The following PHLDB2 variants were observed in gnomAD, a reference collection of about 807,000 sequenced individuals.
PHLDB2 encodes the protein pleckstrin homology-like domain family B member 2.
PHLDB2 carries 71 observed loss-of-function variants against 123.6 expected under a neutral mutation model. That is an observed-to-expected ratio of 0.57 (90% CI 0.47 to 0.70). The LOEUF is 0.70. PHLDB2 is among the 30% of genes least tolerant of loss of function. PHLDB2 has a pLI of 0.00. For missense variants in PHLDB2, 1,446 were observed against 1,519.5 expected (o/e 0.95, Z 0.80); for synonymous variants, 547 against 541.6 (o/e 1.01, Z -0.14).
At chr3:111,824,091 T>C (rs567732269) in intron 1 of PHLDB2, among the ~76,000 whole-genome samples, 1 of 152,240 alleles carries the variant, frequency 6.6e-6, no homozygotes, top group Non-Finnish European at 1.5e-5. Flanking sequence ...TGCAGATAAC[T>C]TGAAACCATC....
chr3:111,856,437 G>GT (rs2064511904), upstream of PHLDB2, among the ~76,000 whole-genome samples: 1 of 152,178 alleles, frequency 6.6e-6, no homozygotes, highest in Non-Finnish European at 1.5e-5. Flanking sequence ...AATGGGAGTA[G>GT]TAACAAACAG....
intron 1 of PHLDB2, among the ~76,000 whole-genome samples, chr3:111,831,013 GAAA>G (rs2062985537): frequency 2.0e-5 from 2 of 102,082 alleles, no homozygotes; most frequent in African/African-American, 9.9e-5. Flanking sequence ...AAGAAAGAAA[GAAA>G]GAAAGAAAGA....
intron 1 of PHLDB2, among the ~76,000 whole-genome samples, chr3:111,834,228 ATTATG>A (rs2063271256): frequency 7.9e-5 from 4 of 50,874 alleles, no homozygotes; most frequent in Admixed American, 2.2e-4. Flanking sequence ...TTATATATAT[ATTATG>A]TATATAATAG....
intron 1 of PHLDB2, among the ~76,000 whole-genome samples, chr3:111,862,411 G>GT (rs1327658394): frequency 3.3e-5 from 5 of 152,192 alleles, no homozygotes; most frequent in African/African-American, 1.2e-4. Flanking sequence ...TAGAGCTGTG[G>GT]TTTTCACTGG....
At chr3:111,962,076 G>T in intron 12 of PHLDB2, 32 bp from the exon 13 acceptor site, 4 of 1,568,020 alleles carry the variant, frequency 2.6e-6, no homozygotes, top group Non-Finnish European at 3.4e-6. Context: ...GAAAAATGAG[G>T]CAAACTAACA....
At chr3:111,893,001 T>G (rs1323416232) in intron 2 of PHLDB2, among the ~76,000 whole-genome samples, 2 of 152,200 alleles carry the variant, frequency 1.3e-5, no homozygotes, top group Non-Finnish European at 2.9e-5. Context: ...AACCCAAGAC[T>G]AGTGAGCGTT....
intron 2 of PHLDB2, among the ~76,000 whole-genome samples, chr3:111,888,512 G>A (rs1041795905): frequency 6.6e-6 from 1 of 152,112 alleles, no homozygotes; most frequent in Non-Finnish European, 1.5e-5. Flanking sequence ...ATTTTATGAT[G>A]AGCAAGAAAG....
intron 14 of PHLDB2, among the ~76,000 whole-genome samples, chr3:111,966,910 A>T (rs916588849): frequency 1.3e-5 from 2 of 151,876 alleles, no homozygotes; most frequent in East Asian, 3.8e-4. Flanking sequence ...CATAACTTGA[A>T]ATATATATAT....
rs1254538668 is a variant in PHLDB2, at chr3:111,808,751, C to T, written c.-48-37070C>T. On this transcript the variant is annotated intron_variant, in intron 1 of 17. Transcript: ENST00000393923. ...CAGGAGGCCTGGATAAGTCTCCTGC[C>T]CTCTTTGGTCTTCAAATATTTAATT... 2.6e-5 allele frequency among the ~76,000 whole-genome samples: 4 copies of T among 152,082 alleles called. No homozygotes were observed. In the East Asian group the frequency reaches 5.8e-4, roughly 22 times the overall value.
chr3:111,931,078 A>G lies in PHLDB2; in HGVS notation c.2002-1191A>G, dbSNP rs567583265. ...AATGTAGTAAGGATAATGTCATAGG[A>G]CTATTTCAGAGGAAAATCCTTAAAA... On this transcript the variant is annotated intron_variant, in intron 5 of 17. Coordinates refer to ENST00000431670, the MANE Select transcript of PHLDB2 (RefSeq NM_001134438.2). Among the ~76,000 whole-genome samples, 8 of 152,314 alleles carry G rather than the reference A, an allele frequency of 5.3e-5. No homozygotes were observed. In the South Asian group the frequency reaches 1.7e-3, roughly 32 times the overall value.
chr3:111,932,492 A>T, intron 6 of PHLDB2, 95 bp downstream of exon 6: 1 of 1,239,438 alleles, frequency 8.1e-7, no homozygotes, highest in South Asian at 1.6e-5. Flanking sequence ...TTCATATAGC[A>T]TAAGTTTGCA....
chr3:111,811,249 G>C (rs2061823499), intron 1 of PHLDB2, among the ~76,000 whole-genome samples: 2 of 152,162 alleles, frequency 1.3e-5, no homozygotes, highest in Admixed American at 1.3e-4. Flanking sequence ...ATCCCATTAA[G>C]GAACCTTTCA....
At position 111,741,004 on chromosome 3, in the gene PHLDB2, T is replaced by G. The variant is rs193033179; in HGVS notation, c.-49+8301T>G. 1.7e-3 allele frequency among the ~76,000 whole-genome samples: 258 copies of G among 151,778 alleles called. 2 individuals carry two copies. The highest frequency in any genetic ancestry group is 5.8e-3 in the African/African-American group (241 of 41,362). On this transcript the variant is annotated intron_variant, in intron 1 of 17. Coordinates refer to the PHLDB2 transcript ENST00000393923. ...AAGGTGCTGAAACATGGAGACAATC[T>G]CACATAGTCCTAATGCTAACCACCA...
intron 9 of PHLDB2, among the ~76,000 whole-genome samples, chr3:111,946,907 G>A (rs1466543753): frequency 2.0e-5 from 3 of 152,200 alleles, no homozygotes; most frequent in Middle Eastern, 3.2e-3. Flanking sequence ...GCTTGAATTG[G>A]AGGATGGCAG....
intron 1 of PHLDB2, among the ~76,000 whole-genome samples, chr3:111,798,510 G>A (rs2061253407): frequency 6.6e-6 from 1 of 151,788 alleles, no homozygotes. Flanking sequence ...AATTATTAAA[G>A]CATTTATTTA....
chr3:111,898,033 A>G (rs1254093660), intron 2 of PHLDB2, among the ~76,000 whole-genome samples: 1 of 152,236 alleles, frequency 6.6e-6, no homozygotes, highest in East Asian at 1.9e-4. Context: ...TTAAAAAAAT[A>G]CTAACAATTA....
At chr3:111,895,843 A>C (rs2066813304) in intron 2 of PHLDB2, among the ~76,000 whole-genome samples, 1 of 135,280 alleles carries the variant, frequency 7.4e-6, no homozygotes, top group African/African-American at 2.8e-5. Flanking sequence ...AGTGAAACTC[A>C]GTCAAAAAAA....
chr3:111,826,934 A>G (rs982338572), intron 1 of PHLDB2, among the ~76,000 whole-genome samples: 3 of 152,160 alleles, frequency 2.0e-5, no homozygotes, highest in Non-Finnish European at 2.9e-5. Context: ...TGACGTGATG[A>G]TTTAGAAAAA....
At chr3:111,804,838 G>T (rs1366198960) in intron 1 of PHLDB2, among the ~76,000 whole-genome samples, 2 of 151,982 alleles carry the variant, frequency 1.3e-5, no homozygotes, top group Non-Finnish European at 2.9e-5. Flanking sequence ...CTTATTTTGA[G>T]AAAAACTTCA....
Sources: allele counts gnomAD v4.1 joint callset (sites outside exome capture counted in the v4.1 genomes callset), GRCh38; gene constraint gnomAD v4.1.1; transcripts MANE v1.5; gene names NCBI Gene and HGNC (gene_info 2026-07-23, HGNC 2026-07-21).